RFX4: variants seen among roughly 807,000 people sequenced by gnomAD.
The protein encoded by RFX4 is regulatory factor X4, also known as transcription factor RFX4.
RFX4 carries 10 observed loss-of-function variants against 95.0 expected under a neutral mutation model. The observed-to-expected ratio is 0.11, with a 90% confidence interval of 0.06 to 0.18. The LOEUF (loss-of-function observed/expected upper bound fraction) is 0.18, where lower values mean the gene tolerates loss of function less well. Among genes scored for constraint, RFX4 ranks in the 10% least tolerant of loss-of-function variants. RFX4 has a pLI of 1.00. For synonymous variants in RFX4, 321 were observed against 340.7 expected, an observed-to-expected ratio of 0.94 and a Z score of 0.64; for missense variants, 640 against 922.0, an observed-to-expected ratio of 0.69 and a Z score of 3.96.
intron 17 of RFX4, among the ~76,000 whole-genome samples, chr12:106,753,771 T>G (rs1825473199): frequency 6.6e-6 from 1 of 152,148 alleles, no homozygotes; most frequent in African/African-American, 2.4e-5. Context: ...AAGTGTACAC[T>G]GAGCAGATGA....
chr12:106,589,462 C>T lies in RFX4; in HGVS notation c.43+6099C>T, dbSNP rs563966821. 5.9e-5 allele frequency among the ~76,000 whole-genome samples: 9 copies of T among 152,266 alleles called. No homozygotes were observed. The East Asian group carries it at 1.5e-3, about 26-fold the overall frequency. ...ATGCTCTCTCTTGCTGAGTACCTAC[C>T]ATGTATCAGCTCTGTAACAGGCACT... On this transcript the variant is annotated intron_variant, in intron 1 of 17. Coordinates refer to ENST00000392842, the MANE Select transcript of RFX4 (RefSeq NM_213594.3).
At chr12:106,709,097 A>G (rs1041735481) in intron 8 of RFX4, among the ~76,000 whole-genome samples, 1 of 151,568 alleles carries the variant, frequency 6.6e-6, no homozygotes, top group Non-Finnish European at 1.5e-5. Flanking sequence ...GATGCCACCA[A>G]GCCTTGCAGT....
intron 17 of RFX4, among the ~76,000 whole-genome samples, chr12:106,758,146 C>T (rs1045547411): frequency 2.0e-5 from 3 of 152,210 alleles, no homozygotes; most frequent in Admixed American, 6.5e-5. Flanking sequence ...TGCTTAAGGA[C>T]CCTGTATGAA....
At chr12:106,750,090 G>A (rs115804998) in intron 16 of RFX4, among the ~76,000 whole-genome samples, 1,822 of 152,262 alleles carry the variant, frequency 0.012, 35 homozygotes, top group African/African-American at 0.042. Context: ...TGGGGGGTAA[G>A]GGAGGTATCT....
rs2041494732 is a variant in RFX4 at position 106,680,953 on chromosome 12, G to T, written c.316-1040G>T. 2.6e-5 allele frequency: 4 copies of T among 152,200 alleles called. No homozygotes were observed. In the South Asian group the frequency reaches 8.3e-4, roughly 31 times the overall value. 9.4% of individuals were successfully genotyped at this position (152,200 alleles called of 1,614,324 possible). The stretch of plus-strand genomic sequence containing the variant: ...GGCATCCAGCCTAACCAATGCCTGA[G>T]CTTGCATTCAATTCAGGTAGTCGAG... On this transcript the variant is annotated intron_variant, in intron 4 of 17. Coordinates refer to ENST00000392842, the MANE Select transcript of RFX4 (RefSeq NM_213594.3).
chr12:106,733,228 TG>T, intron 15 of RFX4, 143 bp downstream of exon 15: 1 of 838,474 alleles, frequency 1.2e-6, no homozygotes, highest in South Asian at 1.7e-5. Flanking sequence ...CCCAGCTACT[TG>T]GGAGGCTGAG....
chr12:106,687,005 G>A lies in RFX4; in HGVS notation c.499G>A (p.Ala167Thr), dbSNP rs1000442266. 4 of 1,613,888 alleles carry A rather than the reference G, an allele frequency of 2.5e-6. No individual in the cohort carries two copies. Among genetic ancestry groups the A allele is most frequent in the Non-Finnish European group, 3.4e-6 (4 of 1,180,016 alleles). Residue 167 changes from alanine to threonine, a missense_variant, in exon 6 of 18, where the codon GCA becomes ACA. Transcript: ENST00000392842. ...GKKEVSKQTV[A>T]YSPRSKLGTL... is the part of the protein sequence containing the mutation. ...GAAAGAAGTGAGCAAACAGACAGTG[G>A]CATATTCACCCCGGTCCAAACTCGG...
chr12:106,709,103 G>T (rs547290307), intron 8 of RFX4, among the ~76,000 whole-genome samples: 1 of 152,312 alleles, frequency 6.6e-6, no homozygotes, highest in East Asian at 1.9e-4. Flanking sequence ...ACCAAGCCTT[G>T]CAGTGGCCAT....
At chr12:106,614,047 A>G (rs1470105001) in intron 2 of RFX4, among the ~76,000 whole-genome samples, 4 of 151,912 alleles carry the variant, frequency 2.6e-5, no homozygotes, top group Non-Finnish European at 5.9e-5. Context: ...AATATTAGCT[A>G]TTTTCATGGG....
chr12:106,641,983 C>A (rs1184327841), intron 3 of RFX4, among the ~76,000 whole-genome samples: 4 of 144,074 alleles, frequency 2.8e-5, no homozygotes, highest in African/African-American at 1.1e-4. Flanking sequence ...ATATCTATAT[C>A]TATATCTATA....
intron 1 of RFX4, among the ~76,000 whole-genome samples, chr12:106,595,567 A>G (rs1592831654): frequency 6.6e-6 from 1 of 152,264 alleles, no homozygotes; most frequent in South Asian, 2.1e-4. Context: ...CAGAGCTTCT[A>G]AGTTCAACCT....
intron 3 of RFX4, among the ~76,000 whole-genome samples, chr12:106,639,789 C>A (rs531511551): frequency 6.6e-6 from 1 of 152,274 alleles, no homozygotes; most frequent in South Asian, 2.1e-4. Flanking sequence ...ATAACACTAA[C>A]AAGAGTAATC....
intron 7 of RFX4, among the ~76,000 whole-genome samples, chr12:106,690,120 T>C (rs543257937): frequency 6.6e-6 from 1 of 152,236 alleles, no homozygotes; most frequent in South Asian, 2.1e-4. Context: ...ATAAAAACGA[T>C]GTCAGGTACA....
At chr12:106,685,291 T>C (rs2041620829) in intron 5 of RFX4, among the ~76,000 whole-genome samples, 1 of 152,102 alleles carries the variant, frequency 6.6e-6, no homozygotes, top group Non-Finnish European at 1.5e-5. Context: ...TTAGTAGTAG[T>C]AAGGTTTGAG....
At chr12:106,653,374 C>T (rs1421794550) in intron 3 of RFX4, among the ~76,000 whole-genome samples, 2 of 152,218 alleles carry the variant, frequency 1.3e-5, no homozygotes, top group African/African-American at 4.8e-5. Flanking sequence ...CAGTGCTTCC[C>T]ATGCACGTGC....
At chr12:106,682,546 A>G (rs969128618) in intron 5 of RFX4, 3 of 155,926 alleles carry the variant, frequency 1.9e-5, no homozygotes, top group African/African-American at 7.2e-5. Context: ...GCAACCAACC[A>G]ACTCATGCTT....
chr12:106,605,678 A>C (rs2039815654), intron 1 of RFX4, among the ~76,000 whole-genome samples: 2 of 152,224 alleles, frequency 1.3e-5, no homozygotes, highest in Non-Finnish European at 2.9e-5. Context: ...GATGGCAAAG[A>C]AATGGGAACA....
intron 3 of RFX4, among the ~76,000 whole-genome samples, chr12:106,652,171 C>T (rs2040868074): frequency 6.6e-6 from 1 of 152,180 alleles, no homozygotes; most frequent in African/African-American, 2.4e-5. Context: ...CAAAGACATA[C>T]ATCAGAATGT....
At chr12:106,716,708 C>A (rs1399506081) in intron 11 of RFX4, among the ~76,000 whole-genome samples, 2 of 152,086 alleles carry the variant, frequency 1.3e-5, no homozygotes, top group Admixed American at 6.5e-5. Flanking sequence ...TTTTAGAGAT[C>A]ATCACTAAAA....
Sources: gnomAD v4.1 joint callset for allele counts (sites outside exome capture counted in the v4.1 genomes callset) on GRCh38, gnomAD v4.1.1 for gene constraint, MANE v1.5 for transcripts, NCBI Gene and HGNC (gene_info 2026-07-23, HGNC 2026-07-21) for gene names.